AIFM1: variants seen among roughly 807,000 people sequenced by gnomAD.
AIFM1 encodes apoptosis-inducing factor 1, mitochondrial.
A neutral mutation model predicts 51.7 loss-of-function variants in AIFM1; 3 were observed. The ratio of observed to expected loss-of-function variants is 0.06; its 90% CI spans 0.03 to 0.15. AIFM1 has a LOEUF of 0.15. AIFM1 is among the 10% of genes least tolerant of loss of function. The pLI, the probability that AIFM1 is intolerant of heterozygous loss-of-function variation, is 1.00. For missense variants in AIFM1, 330 were observed against 476.8 expected (o/e 0.69, Z 2.87); for synonymous variants, 178 against 179.4 (o/e 0.99, Z 0.06).
At chrX:130,139,264 G>A (rs1281548197) in intron 8 of AIFM1, among the ~76,000 whole-genome samples, 18 of 109,943 alleles carry the variant, frequency 1.6e-4, no homozygotes, top group Non-Finnish European at 2.8e-4. Context: ...CCCGGGAGGC[G>A]GAGGTTGCAG....
intron 1 of AIFM1, among the ~76,000 whole-genome samples, chrX:130,162,282 C>T (rs762547000): frequency 3.6e-5 from 4 of 111,888 alleles, no homozygotes; most frequent in African/African-American, 9.7e-5. Flanking sequence ...TTAATCCTTA[C>T]GTCAGCAAAA....
At chrX:130,130,295 T>C in intron 14 of AIFM1, 129 bp from the exon 15 acceptor site, 4 of 743,058 alleles carry the variant, frequency 5.4e-6, no homozygotes, top group Non-Finnish European at 8.0e-6. Context: ...AGGATTTATT[T>C]CTCTATGCCC....
Position 130,152,648 on chromosome X carries a change from T to C in AIFM1, c.250-3080A>G, listed in dbSNP as rs142253725. On this transcript the variant is annotated intron_variant, in intron 2 of 15. Coordinates refer to ENST00000287295, the MANE Select transcript of AIFM1 (RefSeq NM_004208.4). ...TCTCATTAACTATTCTAAAGGCCAC[T>C]TTGGCTCTGCCCACCAACAAAAAAT... Among the ~76,000 whole-genome samples the C allele has an allele frequency of 3.3e-3, 371 of 112,122 alleles. 2 individuals carry two copies. Among genetic ancestry groups the C allele is most frequent in the Middle Eastern group, 0.014 (3 of 217 alleles).
intron 7 of AIFM1, 38 bp from the exon 8 acceptor site, chrX:130,139,909 G>A: frequency 9.1e-7 from 1 of 1,103,723 alleles, no homozygotes; most frequent in East Asian, 3.0e-5. Flanking sequence ...AGCCCAACAA[G>A]CAGGAGCCAG....
At position 130,158,739 on chromosome X, in the gene AIFM1, A is replaced by T. The variant is rs781098587; in HGVS notation, c.107-2136T>A. On this transcript the variant is annotated intron_variant, in intron 1 of 15. Transcript: ENST00000287295. ...AAAAAAAAAAAAAAAAAAATCGCAA[A>T]AAAATCTCATAATGTTTTAAGAAAG... Among the ~76,000 whole-genome samples the T allele has an allele frequency of 2.0e-4, 22 of 109,825 alleles. No individual in the cohort carries two copies. The East Asian group carries it at 5.9e-3, about 29-fold the overall frequency.
chrX:130,135,439 T>TTTAA lies in AIFM1; in HGVS notation c.1305+605_1305+606insTTAA, dbSNP rs33994471. Among the ~76,000 whole-genome samples, 144 of 72,939 alleles carry TTTAA rather than the reference T, an allele frequency of 2.0e-3. 1 individual carries two copies. The highest frequency in any genetic ancestry group is 7.8e-3 in the African/African-American group (132 of 16,934). The allele number at this position is 72,939 out of a possible 115,157, so 63.3% of individuals were successfully genotyped here. ...AAGATCCAGTACATCTTTTTTTTTTTAAAAAAAAAAAAAAAAACAAGGTTT... is the reference window on the plus strand; with the variant it reads ...AAGATCCAGTACATCTTTTTTTTTTTTTAAAAAAAAAAAAAAAAAAACAAGGTTT... On this transcript the variant is annotated intron_variant, in intron 12 of 15. Transcript: ENST00000287295.
At position 130,146,817 on chromosome X, in the gene AIFM1, C is replaced by T. The variant is rs180675485; in HGVS notation, c.605+676G>A. ...CCTGCTAGGCTGTCAAAGAGAGTGC[C>T]GTTAAAAAGTTTCTTTTCTTCTGCT... On this transcript the variant is annotated intron_variant, in intron 5 of 15. Transcript: ENST00000287295. Among the ~76,000 whole-genome samples, 516 of 111,588 alleles carry T rather than the reference C, an allele frequency of 4.6e-3. 3 individuals carry two copies. The highest frequency in any genetic ancestry group is 0.016 in the African/African-American group (491 of 30,643).
intron 1 of AIFM1, among the ~76,000 whole-genome samples, chrX:130,162,197 C>T (rs752523071): frequency 8.9e-6 from 1 of 112,026 alleles, no homozygotes; most frequent in South Asian, 3.7e-4. Context: ...AGGAGAATGG[C>T]TGCTACTATT....
At chrX:130,132,742 CTTTTTTTT>C (rs898776932) in intron 13 of AIFM1, among the ~76,000 whole-genome samples, 1 of 69,886 alleles carries the variant, frequency 1.4e-5, no homozygotes, top group Admixed American at 1.7e-4. Flanking sequence ...TCTGACACTC[CTTTTTTTT>C]TTTTTTTTTT....
intron 6 of AIFM1, among the ~76,000 whole-genome samples, chrX:130,143,332 A>G (rs1456656562): frequency 8.9e-6 from 1 of 111,768 alleles, no homozygotes; most frequent in East Asian, 2.8e-4. Flanking sequence ...ATGGTCCAAA[A>G]CTGAATTTTA....
chrX:130,160,748 G>T (rs971051271), intron 1 of AIFM1, among the ~76,000 whole-genome samples: 1 of 110,930 alleles, frequency 9.0e-6, no homozygotes, highest in Non-Finnish European at 1.9e-5. Flanking sequence ...TCTTTGCAAA[G>T]AAATTTTAGC....
chrX:130,147,092 G>A (rs1368258380), intron 5 of AIFM1, among the ~76,000 whole-genome samples: 1 of 111,570 alleles, frequency 9.0e-6, no homozygotes, highest in African/African-American at 3.3e-5. Context: ...AACCCGGGAG[G>A]TGGAGGTTGC....
At chrX:130,151,052 A>G (rs2030958263) in intron 2 of AIFM1, among the ~76,000 whole-genome samples, 1 of 108,876 alleles carries the variant, frequency 9.2e-6, no homozygotes, top group Non-Finnish European at 1.9e-5. Context: ...TCAACAAAAC[A>G]GGAATTTAGG....
At chrX:130,148,922 C>CT (rs11292355) in intron 3 of AIFM1, among the ~76,000 whole-genome samples, 29,435 of 68,386 alleles carry the variant, frequency 0.43, 6,531 homozygotes, top group African/African-American at 0.62. Flanking sequence ...TTTTAAGAGA[C>CT]TTTTTTTTTT....
intron 7 of AIFM1, 78 bp from the exon 8 acceptor site, chrX:130,139,949 G>T: frequency 1.2e-6 from 1 of 859,994 alleles, no homozygotes. Flanking sequence ...ACCACACAAA[G>T]GTGGAGCCCT....
intron 1 of AIFM1, among the ~76,000 whole-genome samples, chrX:130,158,008 A>G (rs2031226106): frequency 9.0e-6 from 1 of 110,650 alleles, no homozygotes; most frequent in African/African-American, 3.3e-5. Context: ...CACGCCTGTA[A>G]TCCCAGCACT....
rs78964265 is a variant in AIFM1, at chrX:130,163,050, G to A, written c.106+2501C>T. 7.3e-4 allele frequency among the ~76,000 whole-genome samples: 81 copies of A among 111,432 alleles called. No homozygotes were observed. The East Asian group carries it at 0.021, about 29-fold the overall frequency. On this transcript the variant is annotated intron_variant, in intron 1 of 15. Coordinates refer to ENST00000287295, the MANE Select transcript of AIFM1 (RefSeq NM_004208.4). The stretch of plus-strand genomic sequence containing the variant: ...TGTCAACGAGATAGTTGCAAGGCAG[G>A]TTTAAAGTTTAAAGGTTTGGGAGGC...
chrX:130,157,964 A>G (rs1339920383), intron 1 of AIFM1, among the ~76,000 whole-genome samples: 1 of 103,834 alleles, frequency 9.6e-6, no homozygotes, highest in Non-Finnish European at 2.0e-5. Context: ...AAAAAAAAAA[A>G]AAAAGAAAAG....
At chrX:130,155,250 G>A (rs1396215581) in intron 2 of AIFM1, 3 of 1,210,087 alleles carry the variant, frequency 2.5e-6, no homozygotes, top group Middle Eastern at 2.3e-4. Context: ...AGATGCTAGT[G>A]ATCTAGAAGG....
Sources: allele counts gnomAD v4.1 joint callset (sites outside exome capture counted in the v4.1 genomes callset), GRCh38; gene constraint gnomAD v4.1.1; transcripts MANE v1.5; gene names NCBI Gene and HGNC (gene_info 2026-07-23, HGNC 2026-07-21).